Variants in LIMCH1 observed in about 807,000 individuals in gnomAD.
The protein encoded by LIMCH1 is LIM and calponin homology domains 1, also known as LIM and calponin homology domains-containing protein 1.
A neutral mutation model predicts 176.5 loss-of-function variants in LIMCH1; 113 were observed. The observed-to-expected ratio is 0.64, with a 90% CI of 0.55 to 0.75. The LOEUF is 0.75. LIMCH1 is among the 30% of genes least tolerant of loss of function. LIMCH1 has a pLI of 0.00. For missense variants in LIMCH1, 1,674 were observed against 1,814.9 expected (o/e 0.92, Z 1.41); for synonymous variants, 619 against 645.9 (o/e 0.96, Z 0.63).
At position 41,463,686 on chromosome 4, in the gene LIMCH1, CCA is replaced by C. The variant is rs570807065; in HGVS notation, c.97-30848_97-30847del. On this transcript the variant is annotated intron_variant, in intron 1 of 26. Coordinates refer to the LIMCH1 transcript ENST00000313860. ...CATTTCCTCAGCTCAGGCGATGCTT[CCA>C]CCTCAGCACCCCCCGAGCAGCTGGC... Among the ~76,000 whole-genome samples the C allele has an allele frequency of 2.0e-3, 301 of 151,974 alleles. 2 individuals are homozygous for C. Among genetic ancestry groups the C allele is most frequent in the Non-Finnish European group, 3.5e-3 (235 of 67,970 alleles).
intron 1 of LIMCH1, among the ~76,000 whole-genome samples, chr4:41,549,052 A>G (rs1032504900): frequency 2.0e-5 from 3 of 150,060 alleles, no homozygotes; most frequent in African/African-American, 7.3e-5. Context: ...TTTGTCCCCT[A>G]CTGTTAATTT....
intron 10 of LIMCH1, 147 bp from the exon 11 acceptor site, chr4:41,632,602 G>C (rs2093382292): frequency 1.5e-5 from 10 of 675,312 alleles, no homozygotes; most frequent in Non-Finnish European, 2.6e-5. Context: ...ATCTCAATCT[G>C]ATTATATCAT....
At chr4:41,672,563 T>A (rs2095084062) in intron 22 of LIMCH1, among the ~76,000 whole-genome samples, 1 of 152,228 alleles carries the variant, frequency 6.6e-6, no homozygotes, top group Admixed American at 6.5e-5. Context: ...CCCCTTCTCA[T>A]AATGAGTATT....
chr4:41,557,001 C>T (rs1196510863), intron 1 of LIMCH1, among the ~76,000 whole-genome samples: 1 of 152,140 alleles, frequency 6.6e-6, no homozygotes, highest in Non-Finnish European at 1.5e-5. Context: ...AGCAGCCATT[C>T]GACACAGAAT....
At position 41,642,741 on chromosome 4, in the gene LIMCH1, T is replaced by TTTTC. The variant is rs1365454189; in HGVS notation, c.2127-1756_2127-1755insCTTT. On this transcript the variant is annotated intron_variant, in intron 14 of 31. Transcript: ENST00000503057. ...GCCTAATTTTTTTTCTTTTTTCTTT[T>TTTTC]TTTTTTTTTGTATTTTTAGTAGAGA... Among the ~76,000 whole-genome samples, 15 of 149,776 alleles carry TTTTC rather than the reference T, an allele frequency of 1.0e-4. 1 individual carries two copies. The South Asian group carries it at 1.9e-3, about 19-fold the overall frequency.
chr4:41,380,192 T>C (rs2055433697), intron 1 of LIMCH1, among the ~76,000 whole-genome samples: 1 of 152,182 alleles, frequency 6.6e-6, no homozygotes, highest in Non-Finnish European at 1.5e-5. Flanking sequence ...CCACCTGATA[T>C]AGGTAATCAC....
intron 2 of LIMCH1, among the ~76,000 whole-genome samples, chr4:41,515,141 G>C (rs2075416048): frequency 6.6e-6 from 1 of 152,214 alleles, no homozygotes; most frequent in South Asian, 2.1e-4. Context: ...GGCAAGTGAG[G>C]CTGGGGAGAT....
intron 13 of LIMCH1, among the ~76,000 whole-genome samples, chr4:41,637,516 TTG>T (rs1197461710): frequency 6.6e-6 from 1 of 152,186 alleles, no homozygotes; most frequent in African/African-American, 2.4e-5. Flanking sequence ...AAGAACCCAC[TTG>T]TCATCTGCTT....
chr4:41,555,504 T>A (rs1182455588), intron 1 of LIMCH1, among the ~76,000 whole-genome samples: 1 of 152,100 alleles, frequency 6.6e-6, no homozygotes. Context: ...TTTTGACTAA[T>A]CCAGCATTCA....
chr4:41,397,754 A>T (rs2057960669), intron 1 of LIMCH1, among the ~76,000 whole-genome samples: 1 of 152,186 alleles, frequency 6.6e-6, no homozygotes, highest in Non-Finnish European at 1.5e-5. Context: ...GCTGTACTGA[A>T]ACCTCCCATT....
At chr4:41,385,016 A>G (rs1490149016) in intron 1 of LIMCH1, among the ~76,000 whole-genome samples, 1 of 152,196 alleles carries the variant, frequency 6.6e-6, no homozygotes, top group Non-Finnish European at 1.5e-5. Flanking sequence ...GAGTAGTTCT[A>G]CCTCTGTTAT....
chr4:41,670,177 TGAC>T (rs2094964414), intron 21 of LIMCH1, among the ~76,000 whole-genome samples: 1 of 152,222 alleles, frequency 6.6e-6, no homozygotes, highest in Non-Finnish European at 1.5e-5. Context: ...TTATTGAAAA[TGAC>T]GACAACAGCA....
At chr4:41,552,029 T>C (rs2080512033) in intron 1 of LIMCH1, among the ~76,000 whole-genome samples, 1 of 152,164 alleles carries the variant, frequency 6.6e-6, no homozygotes, top group African/African-American at 2.4e-5. Context: ...CTCACAATCA[T>C]GGCAGAAGAG....
At chr4:41,615,996 A>C (rs2092015626) in intron 5 of LIMCH1, among the ~76,000 whole-genome samples, 1 of 152,230 alleles carries the variant, frequency 6.6e-6, no homozygotes, top group Non-Finnish European at 1.5e-5. Flanking sequence ...CTTGCTAGAC[A>C]GGTGTCCAAT....
chr4:41,523,812 C>A (rs1223010288), intron 2 of LIMCH1, among the ~76,000 whole-genome samples: 1 of 152,126 alleles, frequency 6.6e-6, no homozygotes, highest in Non-Finnish European at 1.5e-5. Flanking sequence ...GCTCAAATAT[C>A]TTTTGTACCT....
rs1485990277 is a variant in LIMCH1 at position 41,662,835 on chromosome 4, A to G, written c.3142A>G (p.Thr1048Ala). The G allele has an allele frequency of 6.2e-7, 1 of 1,613,870 alleles. No individual in the cohort carries two copies. The highest frequency in any genetic ancestry group is 8.5e-7 in the Non-Finnish European group (1 of 1,179,972). Residue 1048 changes from threonine to alanine, a missense_variant, in exon 20 of 32, where the codon ACA becomes GCA. Thr to Ala is a moderately conservative substitution (Grantham distance 58). Transcript: ENST00000503057. ...ELASSEPQHF[T>A]TTVTRCSPTV... The stretch of plus-strand genomic sequence containing the variant: ...CTCCATTGCAGAACCACAGCATTTT[A>G]CAACAACTGTGACTCGATGCAGCCC...
chr4:41,429,078 C>G (rs1265083528), intron 1 of LIMCH1, among the ~76,000 whole-genome samples: 1 of 152,172 alleles, frequency 6.6e-6, no homozygotes. Context: ...GGTGCAAATC[C>G]TCCAGATGAG....
At position 41,475,603 on chromosome 4, in the gene LIMCH1, C is replaced by T. The variant is rs1350638985; in HGVS notation, c.97-18933C>T. On this transcript the variant is annotated intron_variant, in intron 1 of 26. Coordinates refer to the LIMCH1 transcript ENST00000313860. Reference sequence around the variant, plus strand: ...TTGTTAAACAAACATTTTAGAACACCCTTAGTCCTAGGTCATTTCTCAGGA... The same window carrying T: ...TTGTTAAACAAACATTTTAGAACACTCTTAGTCCTAGGTCATTTCTCAGGA... Among the ~76,000 whole-genome samples the T allele has an allele frequency of 7.9e-5, 12 of 152,044 alleles. No individual in the cohort carries two copies. In the East Asian group the frequency reaches 1.9e-3, roughly 24 times the overall value.
chr4:41,434,999 C>G (rs1190848143), intron 1 of LIMCH1, among the ~76,000 whole-genome samples: 1 of 152,164 alleles, frequency 6.6e-6, no homozygotes, highest in Non-Finnish European at 1.5e-5. Flanking sequence ...ATATCTTAAT[C>G]CTTAGAGCCT....
Sources: allele counts gnomAD v4.1 joint callset (sites outside exome capture counted in the v4.1 genomes callset), GRCh38; gene constraint gnomAD v4.1.1; transcripts MANE v1.5; gene names NCBI Gene and HGNC (gene_info 2026-07-23, HGNC 2026-07-21).